Variants in PHACTR1 observed in about 807,000 individuals in gnomAD.
PHACTR1 encodes the protein RPEL repeat containing 1.
PHACTR1 carries 16 observed loss-of-function variants against 69.2 expected under a neutral mutation model. The observed-to-expected ratio is 0.23, with a 90% CI of 0.16 to 0.35. The LOEUF is 0.35. Among genes scored for constraint, PHACTR1 ranks in the 10% least tolerant of loss-of-function variants. The pLI, the probability that PHACTR1 is intolerant of heterozygous loss-of-function variation, is 1.00. For missense variants in PHACTR1, 510 were observed against 734.7 expected (o/e 0.69, Z 3.54); for synonymous variants, 312 against 284.5 (o/e 1.10, Z -0.97).
chr6:12,886,515 G>A (rs1783658993), intron 4 of PHACTR1, among the ~76,000 whole-genome samples: 1 of 151,336 alleles, frequency 6.6e-6, no homozygotes, highest in African/African-American at 2.5e-5. Context: ...TTTTACAGAA[G>A]AGTTAATTGA....
At chr6:12,935,405 AG>A (rs1180218429) in intron 4 of PHACTR1, among the ~76,000 whole-genome samples, 1 of 151,846 alleles carries the variant, frequency 6.6e-6, no homozygotes. Flanking sequence ...CACCACACCC[AG>A]CTAATTTTTG....
intron 4 of PHACTR1, among the ~76,000 whole-genome samples, chr6:12,952,324 A>G (rs1791397874): frequency 6.6e-6 from 1 of 152,186 alleles, no homozygotes; most frequent in Admixed American, 6.5e-5. Context: ...ACATGTTCTC[A>G]CCACTGTAGT....
intron 7 of PHACTR1, among the ~76,000 whole-genome samples, chr6:13,195,284 G>A (rs991099199): frequency 6.6e-6 from 1 of 152,118 alleles, no homozygotes; most frequent in Non-Finnish European, 1.5e-5. Flanking sequence ...AGTACCTATA[G>A]CTAAGGTTAA....
At chr6:13,156,776 T>C (rs1004079804) in intron 5 of PHACTR1, among the ~76,000 whole-genome samples, 2 of 152,200 alleles carry the variant, frequency 1.3e-5, no homozygotes, top group Non-Finnish European at 2.9e-5. Context: ...CATTGAGTTA[T>C]GCAGTCAAGA....
At chr6:12,872,303 T>C (rs527265544) in intron 4 of PHACTR1, among the ~76,000 whole-genome samples, 89 of 152,020 alleles carry the variant, frequency 5.9e-4, no homozygotes, top group Admixed American at 2.2e-3. Context: ...AGTAGAAGAA[T>C]GAAAAAAAAT....
intron 5 of PHACTR1, among the ~76,000 whole-genome samples, chr6:13,059,216 C>A (rs957983624): frequency 6.6e-6 from 1 of 151,908 alleles, no homozygotes; most frequent in Non-Finnish European, 1.5e-5. Flanking sequence ...GTGAAACATA[C>A]CGGGTACAGA....
intron 3 of PHACTR1, among the ~76,000 whole-genome samples, chr6:12,727,556 A>G (rs1044826528): frequency 6.6e-6 from 1 of 152,190 alleles, no homozygotes; most frequent in African/African-American, 2.4e-5. Flanking sequence ...GAAGAAAATG[A>G]TGTGAAAATG....
chr6:12,873,539 G>A (rs1169217648), intron 4 of PHACTR1, among the ~76,000 whole-genome samples: 1 of 152,094 alleles, frequency 6.6e-6, no homozygotes, highest in Non-Finnish European at 1.5e-5. Flanking sequence ...AGAAAAAAAG[G>A]TTCAATACAG....
At chr6:12,755,652 T>C (rs1442502555) in intron 4 of PHACTR1, among the ~76,000 whole-genome samples, 3 of 152,154 alleles carry the variant, frequency 2.0e-5, no homozygotes, top group Non-Finnish European at 4.4e-5. Flanking sequence ...TTATTCAAAT[T>C]GATGATCTCT....
chr6:12,957,495 G>T, intron 4 of PHACTR1: 1 of 985,446 alleles, frequency 1.0e-6, no homozygotes, highest in Non-Finnish European at 1.2e-6. Flanking sequence ...TAAAACGCAG[G>T]ACTCCTTGGA....
chr6:13,184,912 C>T (rs1174053436), intron 7 of PHACTR1: 7 of 1,366,496 alleles, frequency 5.1e-6, no homozygotes, highest in Non-Finnish European at 6.9e-6. Flanking sequence ...CCCTGGAGAC[C>T]ATGAAGAGAC....
chr6:13,066,660 CT>C (rs1808689271), intron 5 of PHACTR1, among the ~76,000 whole-genome samples: 1 of 152,040 alleles, frequency 6.6e-6, no homozygotes, highest in Admixed American at 6.6e-5. Flanking sequence ...TGAGATTGTT[CT>C]TCTGCTGGTC....
intron 5 of PHACTR1, among the ~76,000 whole-genome samples, chr6:13,099,859 C>T (rs1465917937): frequency 6.6e-6 from 1 of 152,196 alleles, no homozygotes; most frequent in East Asian, 1.9e-4. Flanking sequence ...AAAATTAGCA[C>T]TAGCCTCAGT....
chr6:12,806,418 T>C (rs1774336965), intron 4 of PHACTR1, among the ~76,000 whole-genome samples: 1 of 152,182 alleles, frequency 6.6e-6, no homozygotes, highest in South Asian at 2.1e-4. Flanking sequence ...CCCTTCCTTT[T>C]AGGTCACAAA....
chr6:13,098,767 A>T (rs1419312943), intron 5 of PHACTR1, among the ~76,000 whole-genome samples: 1 of 152,046 alleles, frequency 6.6e-6, no homozygotes, highest in Non-Finnish European at 1.5e-5. Flanking sequence ...ATAGCTCTTA[A>T]TTATTTCTGG....
At chr6:13,134,068 C>T (rs58465520) in intron 5 of PHACTR1, among the ~76,000 whole-genome samples, 8,327 of 151,620 alleles carry the variant, frequency 0.055, 538 homozygotes, top group African/African-American at 0.16. Context: ...CCTGCCGCCC[C>T]GTCTGAGAAG....
chr6:12,936,741 A>G (rs957855773), intron 4 of PHACTR1, among the ~76,000 whole-genome samples: 24 of 152,390 alleles, frequency 1.6e-4, no homozygotes, highest in African/African-American at 5.8e-4. Context: ...CAGGTCAAGA[A>G]TTAGCTCCTT....
intron 4 of PHACTR1, among the ~76,000 whole-genome samples, chr6:13,021,528 A>G (rs770586140): frequency 1.3e-5 from 2 of 152,144 alleles, no homozygotes; most frequent in Non-Finnish European, 2.9e-5. Flanking sequence ...CATCTCTCTT[A>G]TGTATGTACC....
At chr6:13,117,014 A>G (rs755727040) in intron 5 of PHACTR1, among the ~76,000 whole-genome samples, 8 of 152,148 alleles carry the variant, frequency 5.3e-5, no homozygotes, top group Non-Finnish European at 1.0e-4. Context: ...GGTTTATTCA[A>G]AACCTGAGTG....
Sources: gnomAD v4.1 joint callset for allele counts (sites outside exome capture counted in the v4.1 genomes callset) on GRCh38, gnomAD v4.1.1 for gene constraint, MANE v1.5 for transcripts, NCBI Gene and HGNC (gene_info 2026-07-23, HGNC 2026-07-21) for gene names.